The following PPIL2 variants were observed in gnomAD, a reference collection of about 807,000 sequenced individuals.
PPIL2 encodes RING-type E3 ubiquitin-protein ligase PPIL2.
PPIL2 carries 50 observed loss-of-function variants against 75.2 expected under a neutral mutation model. The ratio of observed to expected loss-of-function variants is 0.66; its 90% CI spans 0.53 to 0.84. The LOEUF (loss-of-function observed/expected upper bound fraction) is 0.84, where lower values mean the gene tolerates loss of function less well. Among genes scored for constraint, PPIL2 ranks in the 40% least tolerant of loss-of-function variants. The pLI is 0.00. For missense variants in PPIL2, 590 were observed against 685.0 expected (o/e 0.86, Z 1.55); for synonymous variants, 245 against 258.8 (o/e 0.95, Z 0.51).
At chr22:21,692,158 T>C (rs1382352721) in intron 15 of PPIL2, among the ~76,000 whole-genome samples, 5 of 151,764 alleles carry the variant, frequency 3.3e-5, no homozygotes, top group Non-Finnish European at 7.4e-5. Context: ...TGACAGTCTT[T>C]TTTTTTTTTT....
At chr22:21,691,831 C>T (rs903303759) in intron 15 of PPIL2, among the ~76,000 whole-genome samples, 13 of 152,346 alleles carry the variant, frequency 8.5e-5, no homozygotes, top group African/African-American at 3.1e-4. Flanking sequence ...GGTCAGAGCT[C>T]AGGTCTGCAC....
rs553401111 is a variant in PPIL2 at position 21,674,954 on chromosome 22, T to G, written c.244-110T>G. The G allele has an allele frequency of 4.7e-5, 45 of 958,204 alleles. No individual in the cohort carries two copies. In the South Asian group the frequency reaches 6.4e-4, roughly 14 times the overall value. 59.4% of individuals were successfully genotyped at this position (958,204 alleles called of 1,614,324 possible). On this transcript the variant is annotated intron_variant, in intron 5 of 19. Transcript: ENST00000398831. ...TGGGGCCTTCCCTTTTGTCCAGAGC[T>G]GCACAGGGTTGGCCTAGTCAGAGAC...
At chr22:21,679,189 C>T (rs1367446591) in intron 6 of PPIL2, among the ~76,000 whole-genome samples, 1 of 152,012 alleles carries the variant, frequency 6.6e-6, no homozygotes, top group Non-Finnish European at 1.5e-5. Flanking sequence ...AGCCACCGCG[C>T]CCAGCCCCAG....
At chr22:21,670,110 A>G in intron 2 of PPIL2, 148 bp downstream of exon 2, 1 of 944,486 alleles carries the variant, frequency 1.1e-6, no homozygotes, top group Non-Finnish European at 1.6e-6. Flanking sequence ...TGAAAGAGAA[A>G]TATACTCAAG....
intron 12 of PPIL2, 79 bp from the exon 13 acceptor site, chr22:21,687,564 A>AG: frequency 1.2e-6 from 1 of 845,738 alleles, no homozygotes; most frequent in East Asian, 3.5e-5. Flanking sequence ...AAAAAAAAAA[A>AG]AAAAAAAGCC....
At chr22:21,688,285 G>C (rs897765556) in intron 14 of PPIL2, among the ~76,000 whole-genome samples, 179 bp downstream of exon 14, 2 of 152,206 alleles carry the variant, frequency 1.3e-5, no homozygotes, top group African/African-American at 4.8e-5. Context: ...CTCATTTCCA[G>C]GTGGCTGTGA....
intron 6 of PPIL2, among the ~76,000 whole-genome samples, chr22:21,678,350 G>A (rs749965581): frequency 6.6e-6 from 1 of 152,130 alleles, no homozygotes; most frequent in South Asian, 2.1e-4. Context: ...TCCCACCTCA[G>A]CCTCCCAAGT....
At chr22:21,691,688 CA>C (rs60680575) in intron 15 of PPIL2, among the ~76,000 whole-genome samples, 241 of 133,744 alleles carry the variant, frequency 1.8e-3, no homozygotes, top group Non-Finnish European at 1.8e-3. Flanking sequence ...ACTCCGTCTC[CA>C]AAAAAAAAAA....
rs988124472 is a variant in PPIL2 at position 21,688,840 on chromosome 22, G to C, written c.1130G>C (p.Arg377Thr). Reference protein sequence around the residue: ...SMANSGPNSNRSQFFITFRSC... With the variant: ...SMANSGPNSNTSQFFITFRSC... ...GCCAACTCCGGGCCCAACAGCAACA[G>C]GTCTCAATTGTGAGTCAGCTGGGCT... Residue 377 changes from arginine (R) to threonine (T), a missense_variant, in exon 15 of 20, where the codon AGG becomes ACG. Transcript: ENST00000398831. 1 of 1,614,006 alleles carries C rather than the reference G, an allele frequency of 6.2e-7. No homozygotes were observed. The highest frequency in any genetic ancestry group is 1.3e-5 in the African/African-American group (1 of 74,946).
At chr22:21,695,097 G>A in intron 19 of PPIL2, 27 bp downstream of exon 19, 2 of 1,568,228 alleles carry the variant, frequency 1.3e-6, no homozygotes, top group East Asian at 4.5e-5. Context: ...TGGCCTCCCT[G>A]TTTCCCATGG....
rs187176659 is a variant in PPIL2, at chr22:21,695,201, C to G, written c.1466+131C>G. The stretch of plus-strand genomic sequence containing the variant: ...CCGGCCGTGGGCTTGTGCTGTGTGG[C>G]CTCTGCAGCCGAGGGACTGCCTCTG... On this transcript the variant is annotated intron_variant, in intron 19 of 19. Transcript: ENST00000398831. The G allele has an allele frequency of 1.5e-4, 214 of 1,387,624 alleles. 1 individual carries two copies. The African/African-American group carries it at 2.8e-3, about 18-fold the overall frequency. The allele number at this position is 1,387,624 out of a possible 1,614,324, so 86.0% of individuals were successfully genotyped here.
At chr22:21,691,645 ACTCCAGCC>A (rs1266096220) in intron 15 of PPIL2, among the ~76,000 whole-genome samples, 9 of 151,080 alleles carry the variant, frequency 6.0e-5, no homozygotes, top group South Asian at 2.1e-4. Context: ...GCGCCACTGC[ACTCCAGCC>A]CTCCAGCCTG....
At chr22:21,667,023 C>T (rs1005249771) in intron 1 of PPIL2, among the ~76,000 whole-genome samples, 2 of 152,048 alleles carry the variant, frequency 1.3e-5, no homozygotes, top group Non-Finnish European at 2.9e-5. Context: ...ACCACTCCCT[C>T]TTTCTGAAGC....
chr22:21,670,680 C>G (rs926622116), intron 3 of PPIL2, 69 bp downstream of exon 3: 2 of 1,487,620 alleles, frequency 1.3e-6, no homozygotes, highest in African/African-American at 2.8e-5. Flanking sequence ...TGAATCTGCC[C>G]CTTGTGGATG....
chr22:21,699,991 A>C, downstream of PPIL2: 1 of 152,370 alleles, frequency 6.6e-6, no homozygotes, highest in Admixed American at 6.5e-5. Context: ...TACTGGCTTA[A>C]ATAAACATGT....
intron 15 of PPIL2, among the ~76,000 whole-genome samples, chr22:21,692,131 C>G (rs913994844): frequency 1.3e-5 from 2 of 151,676 alleles, no homozygotes; most frequent in African/African-American, 4.8e-5. Flanking sequence ...TGGGGTCTGT[C>G]GTGTTCTCCT....
intron 9 of PPIL2, 97 bp downstream of exon 9, chr22:21,683,354 G>A: frequency 1.8e-6 from 2 of 1,093,262 alleles, no homozygotes; most frequent in Non-Finnish European, 2.7e-6. Context: ...GGAGGTCAGG[G>A]GGTCCCAGCC....
chr22:21,687,596 C>T (rs374940095), intron 12 of PPIL2, 47 bp from the exon 13 acceptor site: 37 of 966,614 alleles, frequency 3.8e-5, no homozygotes, highest in Middle Eastern at 4.8e-4. Flanking sequence ...TGGTGAGCTG[C>T]CTTTGGCAGC....
Position 21,696,941 on chromosome 22 carries a change from T to C in PPIL2, c.*1451T>C. ...CCCTCGTCACCCTGCTGCACACCAA[T>C]CTGTGGCCCTTCATCATGCTAAGAA... On this transcript the variant is annotated 3_prime_UTR_variant, in exon 20 of 20. Coordinates refer to ENST00000398831, the MANE Select transcript of PPIL2 (RefSeq NM_014337.4). 1.3e-6 allele frequency: 2 copies of C among 1,582,408 alleles called. No homozygotes were observed. Among genetic ancestry groups the C allele is most frequent in the African/African-American group, 1.3e-5 (1 of 74,186 alleles).
Sources: gnomAD v4.1 joint callset for allele counts (sites outside exome capture counted in the v4.1 genomes callset) on GRCh38, gnomAD v4.1.1 for gene constraint, MANE v1.5 for transcripts, NCBI Gene and HGNC (gene_info 2026-07-23, HGNC 2026-07-21) for gene names.